Variants in GMPS observed in about 807,000 individuals in gnomAD.
The protein encoded by GMPS is GMP synthase [glutamine-hydrolyzing].
GMPS carries 15 observed loss-of-function variants against 77.9 expected under a neutral mutation model. That is an observed-to-expected ratio of 0.19 (90% confidence interval 0.13 to 0.30). GMPS has a LOEUF of 0.30. Among genes scored for constraint, GMPS ranks in the 10% least tolerant of loss-of-function variants. The pLI is 1.00. For synonymous variants in GMPS, 224 were observed against 275.9 expected (o/e 0.81, Z 1.86); for missense variants, 590 against 838.8 (o/e 0.70, Z 3.66).
At chr3:155,896,723 A>C (rs1326743116) in intron 2 of GMPS, among the ~76,000 whole-genome samples, 1 of 130,922 alleles carries the variant, frequency 7.6e-6, no homozygotes, top group African/African-American at 2.8e-5. Flanking sequence ...GCCCAGCCTT[A>C]CTGAGATTTT....
At chr3:155,927,752 A>G (rs1386090621) in intron 12 of GMPS, among the ~76,000 whole-genome samples, 10 of 152,162 alleles carry the variant, frequency 6.6e-5, no homozygotes, top group Admixed American at 6.5e-4. Flanking sequence ...CTTTCCAGAA[A>G]CACTTTAAAA....
At chr3:155,885,750 G>A (rs1400819609) in intron 1 of GMPS, among the ~76,000 whole-genome samples, 1 of 152,182 alleles carries the variant, frequency 6.6e-6, no homozygotes, top group Non-Finnish European at 1.5e-5. Flanking sequence ...TGTTTAACCT[G>A]TATATAGAAA....
rs1319433198 is a variant in GMPS at position 155,928,687 on chromosome 3, TC to T, written c.1561-3072del. Among the ~76,000 whole-genome samples the T allele has an allele frequency of 7.3e-4, 48 of 65,826 alleles. 3 individuals are homozygous for T. The highest frequency in any genetic ancestry group is 2.8e-3 in the African/African-American group (45 of 15,956). The allele number at this position is 65,826 out of a possible 152,430, so 43.2% of individuals were successfully genotyped here. On this transcript the variant is annotated intron_variant, in intron 12 of 15. Transcript: ENST00000496455. ...ATCTCCCAATGCTATCCCTCCCCCC[TC>T]CCCCCACCCCACCACAGTCCCCAGA... is the stretch of plus-strand genomic sequence containing the variant.
At chr3:155,935,932 C>A (rs1755754775) in intron 14 of GMPS, among the ~76,000 whole-genome samples, 1 of 152,116 alleles carries the variant, frequency 6.6e-6, no homozygotes, top group Non-Finnish European at 1.5e-5. Context: ...ACACATAAAA[C>A]AAGGTTATAT....
At position 155,870,727 on chromosome 3, in the gene GMPS, C is replaced by T; in HGVS notation, c.-144C>T. ...TGCTGTTGCTCCATTCGGCGCTTTT[C>T]TGGCGGCTGGCTCCTCTCCGCTGCC... On this transcript the variant is annotated 5_prime_UTR_variant, in exon 1 of 16. Coordinates refer to ENST00000496455, the MANE Select transcript of GMPS (RefSeq NM_003875.3). The T allele has an allele frequency of 1.7e-6, 1 of 585,504 alleles. No homozygotes were observed. 36.3% of individuals were successfully genotyped at this position (585,504 alleles called of 1,614,324 possible). A position where few individuals can be genotyped will look rare whatever the true frequency, so the allele number is the denominator to read the frequency against.
At chr3:155,893,886 AT>A (rs1306426532) in intron 2 of GMPS, among the ~76,000 whole-genome samples, 187 bp downstream of exon 2, 1 of 152,234 alleles carries the variant, frequency 6.6e-6, no homozygotes, top group African/African-American at 2.4e-5. Flanking sequence ...AAAAAGATTA[AT>A]TTTAATTGTA....
chr3:155,940,874 T>G lies in GMPS; in HGVS notation c.*3182T>G. ...GCAAGGTTTGACCACTTGGGGCATCTTCTGCTGTGAGATGACACTTGAAAA... is the reference window on the plus strand; with the variant it reads ...GCAAGGTTTGACCACTTGGGGCATCGTCTGCTGTGAGATGACACTTGAAAA... On this transcript the variant is annotated 3_prime_UTR_variant, in exon 16 of 16. Coordinates refer to ENST00000496455, the MANE Select transcript of GMPS (RefSeq NM_003875.3). 4.6e-6 allele frequency: 1 copy of G among 216,922 alleles called. No homozygotes were observed. The highest frequency in any genetic ancestry group is 9.3e-6 in the Non-Finnish European group (1 of 107,758). 13.4% of individuals were successfully genotyped at this position (216,922 alleles called of 1,614,324 possible). A position where few individuals can be genotyped will look rare whatever the true frequency, so the allele number is the denominator to read the frequency against.
At chr3:155,894,554 ATTG>A (rs1754555690) in intron 2 of GMPS, among the ~76,000 whole-genome samples, 1 of 150,260 alleles carries the variant, frequency 6.7e-6, no homozygotes. Flanking sequence ...TTTTTTTTTT[ATTG>A]TTGTTTTTTC....
intron 2 of GMPS, among the ~76,000 whole-genome samples, chr3:155,896,638 C>T (rs530805540): frequency 4.7e-5 from 7 of 150,172 alleles, no homozygotes; most frequent in African/African-American, 1.7e-4. Context: ...CCAGGCTGGT[C>T]TCGAGCTCCT....
chr3:155,921,979 T>C (rs1239595446), intron 10 of GMPS, among the ~76,000 whole-genome samples: 2 of 152,174 alleles, frequency 1.3e-5, no homozygotes, highest in Non-Finnish European at 2.9e-5. Flanking sequence ...GCATTCTAAA[T>C]GTTACAACAT....
chr3:155,879,952 G>GTT lies in GMPS; in HGVS notation c.27+9066_27+9067dup, dbSNP rs61425510. 4.9e-4 allele frequency among the ~76,000 whole-genome samples: 72 copies of GTT among 147,366 alleles called. 2 individuals are homozygous for GTT. Among genetic ancestry groups the GTT allele is most frequent in the African/African-American group, 1.7e-3 (68 of 40,204 alleles). ...TTTTCTTTTTTATTGAGTTTTAAGAGTTTTTTTTTTTTAAGTCTAGAGATG... is the reference window on the plus strand; with the variant it reads ...TTTTCTTTTTTATTGAGTTTTAAGAGTTTTTTTTTTTTTTAAGTCTAGAGATG... On this transcript the variant is annotated intron_variant, in intron 1 of 15. Transcript: ENST00000496455.
At chr3:155,922,638 A>G (rs974315271) in intron 11 of GMPS, among the ~76,000 whole-genome samples, 1 of 152,188 alleles carries the variant, frequency 6.6e-6, no homozygotes, top group Non-Finnish European at 1.5e-5. Flanking sequence ...TCCTCTGAGG[A>G]CAGCTACTAA....
At chr3:155,874,993 C>T (rs12486189) in intron 1 of GMPS, among the ~76,000 whole-genome samples, 2 of 148,792 alleles carry the variant, frequency 1.3e-5, no homozygotes, top group South Asian at 2.1e-4. Context: ...CTGCAATGTC[C>T]GCCTCCCTGG....
At chr3:155,928,019 CTTTT>C (rs35962523) in intron 12 of GMPS, among the ~76,000 whole-genome samples, 6 of 67,842 alleles carry the variant, frequency 8.8e-5, no homozygotes, top group Non-Finnish European at 1.5e-4. Context: ...GCATTTTACA[CTTTT>C]TTTTTTTTTT....
At position 155,870,773 on chromosome 3, in the gene GMPS, TC is replaced by T; in HGVS notation, c.-96del. The T allele has an allele frequency of 1.3e-6, 1 of 794,206 alleles. No individual in the cohort carries two copies. The highest frequency in any genetic ancestry group is 2.0e-6 in the Non-Finnish European group (1 of 492,836). 49.2% of individuals were successfully genotyped at this position (794,206 alleles called of 1,614,324 possible). On this transcript the variant is annotated 5_prime_UTR_variant, in exon 1 of 16. Transcript: ENST00000496455. ...CTGCCGGCTGCTCCTCGACCAGGCC[TC>T]CTTCTCAACCTCAGCCCGCGGCGCC...
chr3:155,905,324 G>A (rs543959595), intron 4 of GMPS, among the ~76,000 whole-genome samples: 2 of 152,134 alleles, frequency 1.3e-5, no homozygotes, highest in East Asian at 3.9e-4. Flanking sequence ...ATTTAATATC[G>A]AGTTCTTAGT....
At chr3:155,879,250 C>T (rs184879513) in intron 1 of GMPS, among the ~76,000 whole-genome samples, 2 of 149,422 alleles carry the variant, frequency 1.3e-5, no homozygotes, top group Admixed American at 1.4e-4. Flanking sequence ...TCTCCACATC[C>T]TTTTCTGCAC....
At chr3:155,876,870 G>T (rs907429662) in intron 1 of GMPS, among the ~76,000 whole-genome samples, 2 of 152,198 alleles carry the variant, frequency 1.3e-5, no homozygotes, top group Non-Finnish European at 2.9e-5. Flanking sequence ...TGAGCCAGCA[G>T]CACTGAACCT....
intron 3 of GMPS, among the ~76,000 whole-genome samples, chr3:155,900,042 T>C (rs1754697361): frequency 6.6e-6 from 1 of 152,216 alleles, no homozygotes; most frequent in African/African-American, 2.4e-5. Flanking sequence ...GACTTCCAAG[T>C]TTTGGTAATT....
Sources: allele counts gnomAD v4.1 joint callset (sites outside exome capture counted in the v4.1 genomes callset), GRCh38; gene constraint gnomAD v4.1.1; transcripts MANE v1.5; gene names NCBI Gene and HGNC (gene_info 2026-07-23, HGNC 2026-07-21).